Variants in ALKBH4 observed in about 807,000 individuals in gnomAD.
ALKBH4 encodes the protein alkB homolog 4, lysine demethylase.
A neutral mutation model predicts 12.1 loss-of-function variants in ALKBH4; 8 were observed. The observed-to-expected ratio is 0.66, with a 90% CI of 0.39 to 1.19. The LOEUF (loss-of-function observed/expected upper bound fraction) is 1.19, where lower values mean the gene tolerates loss of function less well. Ranked by LOEUF, ALKBH4 falls within the 50% of genes most tolerant of loss-of-function variation. ALKBH4 has a pLI of 0.01. For missense variants in ALKBH4, 403 were observed against 430.4 expected, an observed-to-expected ratio of 0.94 and a Z score of 0.56; for synonymous variants, 195 against 191.6, an observed-to-expected ratio of 1.02 and a Z score of -0.15.
At chr7:102,458,156 G>A (rs746559099) in intron 2 of ALKBH4, among the ~76,000 whole-genome samples, 175 bp from the exon 3 acceptor site, 5 of 152,140 alleles carry the variant, frequency 3.3e-5, no homozygotes, top group Non-Finnish European at 5.9e-5. Context: ...GCAAATGGCC[G>A]GGCATGGTGG....
intron 1 of ALKBH4, among the ~76,000 whole-genome samples, chr7:102,463,322 C>CTTTTTTTTT (rs71106683): frequency 8.6e-5 from 5 of 58,318 alleles, no homozygotes; most frequent in African/African-American, 1.5e-4. Flanking sequence ...CAAGTCATCT[C>CTTTTTTTTT]TTTTTTTTTT....
At chr7:102,458,564 C>G (rs1334013914) in intron 2 of ALKBH4, among the ~76,000 whole-genome samples, 1 of 148,416 alleles carries the variant, frequency 6.7e-6, no homozygotes, top group African/African-American at 2.5e-5. Flanking sequence ...ATGAGACACC[C>G]TGTCTCAAAA....
intron 2 of ALKBH4, among the ~76,000 whole-genome samples, 178 bp from the exon 3 acceptor site, chr7:102,458,159 C>T (rs1178730942): frequency 6.6e-6 from 1 of 152,142 alleles, no homozygotes; most frequent in East Asian, 1.9e-4. Context: ...AATGGCCGGG[C>T]ATGGTGGTGC....
At chr7:102,458,837 A>G (rs1440950953) in intron 2 of ALKBH4, among the ~76,000 whole-genome samples, 2 of 152,068 alleles carry the variant, frequency 1.3e-5, no homozygotes, top group Non-Finnish European at 2.9e-5. Context: ...GAAATGTACC[A>G]ACATCCAACA....
intron 1 of ALKBH4, among the ~76,000 whole-genome samples, chr7:102,461,721 G>A (rs1036256143): frequency 2.4e-4 from 37 of 152,300 alleles, no homozygotes; most frequent in Middle Eastern, 6.8e-3. Flanking sequence ...TGCATCTGTG[G>A]CACTGAACAT....
Position 102,457,679 on chromosome 7 carries a change from C to T in ALKBH4, c.624G>A (p.Ser208=), listed in dbSNP as rs530744070. The T allele has an allele frequency of 5.8e-5, 90 of 1,556,834 alleles. No homozygotes were observed. The highest frequency in any genetic ancestry group is 1.4e-4 in the African/African-American group (10 of 73,962). The change falls in exon 3 of 3, where the codon TCG becomes TCA. Residue 208 remains serine (S), a synonymous_variant. Transcript: ENST00000292566. This position sits in a 1 kb window ranked among gnomAD's most constrained non-coding sequence, Gnocchi z 5.9. ...TGTCCACCAAGGCCTCCGGGGCAGC[C>T]GACGGGGCCGAGCAGAGGAGCAGGC... ...PGSLLLCSAP[S]AAPEALVDSV...
At chr7:102,458,808 G>A (rs1286982783) in intron 2 of ALKBH4, among the ~76,000 whole-genome samples, 3 of 151,124 alleles carry the variant, frequency 2.0e-5, no homozygotes, top group Admixed American at 2.0e-4. Flanking sequence ...AATGTCCATC[G>A]ACAGATGAAT....
intron 1 of ALKBH4, among the ~76,000 whole-genome samples, chr7:102,461,219 C>T (rs2133254258): frequency 6.6e-6 from 1 of 152,084 alleles, no homozygotes; most frequent in African/African-American, 2.4e-5. Context: ...TGCCTGTAAT[C>T]CCAGCTACTC....
chr7:102,460,393 G>T (rs1299522285), intron 1 of ALKBH4, among the ~76,000 whole-genome samples: 1 of 151,022 alleles, frequency 6.6e-6, no homozygotes, highest in East Asian at 1.9e-4. Context: ...TGGCACTTGT[G>T]TGCCCTCAGG....
rs1379389402 is a variant in ALKBH4, at chr7:102,456,916, C to T, written c.*478G>A. ...TGATCTTGGCTCACTGCAACCTCCG[C>T]CTCCCAGGTTCAAGCAATTCTCCCA... On this transcript the variant is annotated 3_prime_UTR_variant, in exon 3 of 3. Transcript: ENST00000292566. 1 of 153,098 alleles carries T rather than the reference C, an allele frequency of 6.5e-6. No individual in the cohort carries two copies. Among genetic ancestry groups the T allele is most frequent in the East Asian group, 1.9e-4 (1 of 5,190 alleles). The allele number at this position is 153,098 out of a possible 1,614,324, so 9.5% of individuals were successfully genotyped here. A position where few individuals can be genotyped will look rare whatever the true frequency, so the allele number is the denominator to read the frequency against.
At chr7:102,458,260 C>T (rs1244855704) in intron 2 of ALKBH4, among the ~76,000 whole-genome samples, 1 of 152,038 alleles carries the variant, frequency 6.6e-6, no homozygotes, top group East Asian at 1.9e-4. Context: ...AAAGTGAGAC[C>T]TCCTCTCTAC....
chr7:102,457,567 C>T lies in ALKBH4; in HGVS notation c.736G>A (p.Gly246Arg), dbSNP rs555966568. Residue 246 changes from glycine to arginine, a missense_variant, in exon 3 of 3, where the codon GGG becomes AGG. Gly to Arg is a moderately radical substitution (Grantham distance 125). Coordinates refer to ENST00000292566, the MANE Select transcript of ALKBH4 (RefSeq NM_017621.4). This position sits in a 1 kb window ranked among gnomAD's most constrained non-coding sequence, Gnocchi z 5.9. ...LPARSLLVLT[G>R]AARHQWKHAI... is the part of the protein sequence containing the mutation. ...TGCTTCCACTGGTGCCGTGCCGCCC[C>T]GGTGAGGACCAGCAGGGAGCGGGCG... 172 of 1,609,704 alleles carry T rather than the reference C, an allele frequency of 1.1e-4. No homozygotes were observed. Among genetic ancestry groups the T allele is most frequent in the Admixed American group, 3.5e-4 (21 of 59,968 alleles).
At chr7:102,460,440 T>C (rs77058203) in intron 1 of ALKBH4, among the ~76,000 whole-genome samples, 10,029 of 151,822 alleles carry the variant, frequency 0.066, 371 homozygotes, top group Non-Finnish European at 0.075. Flanking sequence ...CTCAGGACAC[T>C]GTGGAAGGCA....
In ALKBH4 at chr7:102,457,283, G is replaced by A. The variant is rs527499965; in HGVS notation, c.*111C>T. 33 of 1,264,686 alleles carry A rather than the reference G, an allele frequency of 2.6e-5. No homozygotes were observed. In the South Asian group the frequency reaches 4.3e-4, roughly 16 times the overall value. The allele number at this position is 1,264,686 out of a possible 1,614,324, so 78.3% of individuals were successfully genotyped here. On this transcript the variant is annotated 3_prime_UTR_variant, in exon 3 of 3. Coordinates refer to ENST00000292566, the MANE Select transcript of ALKBH4 (RefSeq NM_017621.4). The surrounding 1 kb of genome is among the most constrained non-coding windows in gnomAD (Gnocchi z 5.9). ...CTGGGCAGGGCTCACACTGCTCACA[G>A]CATCAGGGGTCAGCCATCTTCTCTT...
Position 102,457,952 on chromosome 7 carries a change from T to A in ALKBH4, c.351A>T (p.Lys117Asn). The change falls in exon 3 of 3, where the codon AAA becomes AAT. Residue 117 changes from lysine to asparagine, a missense_variant. Transcript: ENST00000292566. This position sits in a 1 kb window ranked among gnomAD's most constrained non-coding sequence, Gnocchi z 5.9. The stretch of plus-strand genomic sequence containing the variant: ...AGAAGCCCTCGGTCTTTAGCTTCTG[T>A]TTCCGAAAGTTGACTTTGGGGCCAT... Reference protein sequence around the residue: ...QDYGPKVNFRKQKLKTEGFCG... With the variant: ...QDYGPKVNFRNQKLKTEGFCG... 1.9e-6 allele frequency: 3 copies of A among 1,610,208 alleles called. No individual in the cohort carries two copies. Among genetic ancestry groups the A allele is most frequent in the Non-Finnish European group, 2.5e-6 (3 of 1,177,852 alleles).
In ALKBH4 at chr7:102,457,958, A is replaced by G; in HGVS notation, c.345T>C (p.Phe115=). 1.2e-6 allele frequency: 2 copies of G among 1,609,654 alleles called. No individual in the cohort carries two copies. The highest frequency in any genetic ancestry group is 1.7e-6 in the Non-Finnish European group (2 of 1,177,466). ...RKQDYGPKVN[F]RKQKLKTEGF... ...CCTCGGTCTTTAGCTTCTGTTTCCG[A>G]AAGTTGACTTTGGGGCCATAGTCCT... is the stretch of plus-strand genomic sequence containing the variant. The change falls in exon 3 of 3, where the codon TTT becomes TTC. Residue 115 remains phenylalanine, a synonymous_variant. Transcript: ENST00000292566. The surrounding 1 kb of genome is among the most constrained non-coding windows in gnomAD (Gnocchi z 5.9).
rs1430226144 is a variant in ALKBH4, at chr7:102,457,877, G to A, written c.426C>T (p.Tyr142=). The A allele has an allele frequency of 6.2e-7, 1 of 1,612,682 alleles. No individual in the cohort carries two copies. The highest frequency in any genetic ancestry group is 8.5e-7 in the Non-Finnish European group (1 of 1,180,006). The change falls in exon 3 of 3, where the codon TAC becomes TAT. Residue 142 remains tyrosine, a synonymous_variant. Transcript: ENST00000292566. This position sits in a 1 kb window ranked among gnomAD's most constrained non-coding sequence, Gnocchi z 5.9. ...CGGGCCGGAAGCCCTCCAGCCCCGG[G>A]TAGAGGCCCATCCTCCGCACCACCT... ...SREVVRRMGL[Y]PGLEGFRPVE...
In ALKBH4 at chr7:102,463,322, C is replaced by CTTTTTTT. The variant is rs71106683; in HGVS notation, c.123+1385_123+1391dup. On this transcript the variant is annotated intron_variant, in intron 1 of 2. Coordinates refer to ENST00000292566, the MANE Select transcript of ALKBH4 (RefSeq NM_017621.4). ...CCACATTTTGTGGATCAAGTCATCT[C>CTTTTTTT]TTTTTTTTTTTTTTTTTTTTTTTTT... Among the ~76,000 whole-genome samples the CTTTTTTT allele has an allele frequency of 5.8e-4, 34 of 58,316 alleles. 3 individuals are homozygous for CTTTTTTT. Among genetic ancestry groups the CTTTTTTT allele is most frequent in the Non-Finnish European group, 6.4e-4 (22 of 34,466 alleles). The allele number at this position is 58,316 out of a possible 152,430, so 38.3% of individuals were successfully genotyped here.
intron 1 of ALKBH4, among the ~76,000 whole-genome samples, chr7:102,460,338 G>GA (rs56249986): frequency 0.88 from 120,519 of 136,968 alleles, 53,043 homozygotes; most frequent in East Asian, 0.95. Flanking sequence ...AAAAAAAAAA[G>GA]AAAAAAAAAA....
Sources: gnomAD v4.1 joint callset for allele counts (sites outside exome capture counted in the v4.1 genomes callset) on GRCh38, gnomAD v4.1.1 for gene constraint, Gnocchi (gnomAD v3.1) non-coding constraint, MANE v1.5 for transcripts, NCBI Gene and HGNC (gene_info 2026-07-23, HGNC 2026-07-21) for gene names.